Variants in UBR1 observed in about 807,000 individuals in gnomAD.
UBR1 encodes ubiquitin protein ligase E3 component n-recognin 1.
In UBR1, 102 loss-of-function variants were observed where a neutral mutation model predicts 242.1. That is an observed-to-expected ratio of 0.42 (90% CI 0.36 to 0.50). The LOEUF is 0.50. Ranked by LOEUF, UBR1 falls within the 20% of genes least tolerant of loss-of-function variation. The pLI is 0.01. For missense variants in UBR1, 1,772 were observed against 2,101.8 expected, an observed-to-expected ratio of 0.84 and a Z score of 3.07; for synonymous variants, 675 against 684.8, an observed-to-expected ratio of 0.99 and a Z score of 0.22.
intron 42 of UBR1, among the ~76,000 whole-genome samples, chr15:42,961,189 T>C (rs2032012878): frequency 6.7e-6 from 1 of 148,456 alleles, no homozygotes; most frequent in South Asian, 2.3e-4. Flanking sequence ...CTCCACTCAC[T>C]GCAACCTCCA....
chr15:43,070,987 G>T, intron 4 of UBR1, 62 bp from the exon 5 acceptor site: 1 of 1,587,502 alleles, frequency 6.3e-7, no homozygotes, highest in Admixed American at 1.7e-5. Flanking sequence ...GGATAAGGAA[G>T]GTAATGTTAA....
At chr15:42,964,195 C>A (rs953021642) in intron 41 of UBR1, 152 bp from the exon 42 acceptor site, 1 of 644,864 alleles carries the variant, frequency 1.6e-6, no homozygotes, top group African/African-American at 1.8e-5. Context: ...GCAGTCCGGG[C>A]ACGGTGGCTC....
Position 43,067,996 on chromosome 15 carries a change from C to T in UBR1, c.700G>A (p.Glu234Lys), listed in dbSNP as rs1757124370. 1 of 1,594,906 alleles carries T rather than the reference C, an allele frequency of 6.3e-7. No individual in the cohort carries two copies. Among genetic ancestry groups the T allele is most frequent in the Non-Finnish European group, 8.6e-7 (1 of 1,169,370 alleles). Residue 234 changes from glutamate to lysine, a missense_variant, in exon 6 of 47, where the codon GAA becomes AAA. Glu to Lys is a moderately conservative substitution (Grantham distance 56). Transcript: ENST00000290650. Reference protein sequence around the residue: ...ERYYCVLFNDEHHSYDHVIYS... With the variant: ...ERYYCVLFNDKHHSYDHVIYS... Reference sequence around the variant, plus strand: ...ATGACGTGGTCATATGAATGGTGTTCATCATTGAAAAGGACACAATAGTAT... The same window carrying T: ...ATGACGTGGTCATATGAATGGTGTTTATCATTGAAAAGGACACAATAGTAT...
rs139343369 is a variant in UBR1 at position 43,052,105 on chromosome 15, C to T, written c.1439+2637G>A. ...GAATAAGAGAGGTAGCAATCCCTCC[C>T]TTCTGTGTTTTCCTAGGCAGATCTC... On this transcript the variant is annotated intron_variant, in intron 12 of 46. Transcript: ENST00000290650. Among the ~76,000 whole-genome samples the T allele has an allele frequency of 2.8e-3, 430 of 152,320 alleles. 2 individuals carry two copies. The highest frequency in any genetic ancestry group is 4.3e-3 in the Non-Finnish European group (294 of 68,024).
At chr15:43,010,030 C>A (rs2032896050) in intron 29 of UBR1, among the ~76,000 whole-genome samples, 2 of 152,146 alleles carry the variant, frequency 1.3e-5, no homozygotes, top group Non-Finnish European at 2.9e-5. Flanking sequence ...TGCCACCATG[C>A]CCAGCTAATT....
intron 44 of UBR1, among the ~76,000 whole-genome samples, chr15:42,954,981 A>C (rs1263600387): frequency 1.3e-5 from 2 of 152,058 alleles, no homozygotes; most frequent in African/African-American, 4.8e-5. Flanking sequence ...AGCCTGGCCA[A>C]GATAGTGAAA....
At chr15:43,033,959 G>T (rs1311386003) in intron 19 of UBR1, among the ~76,000 whole-genome samples, 1 of 152,024 alleles carries the variant, frequency 6.6e-6, no homozygotes, top group Non-Finnish European at 1.5e-5. Context: ...CAAAAAATTG[G>T]CCAGGTGTAG....
intron 43 of UBR1, 22 bp downstream of exon 43, chr15:42,960,623 A>G: frequency 6.2e-7 from 1 of 1,612,846 alleles, no homozygotes; most frequent in Non-Finnish European, 8.5e-7. Flanking sequence ...TGAGGGAGAA[A>G]GGATTAAGTA....
chr15:43,102,289 C>T (rs1309707853), intron 1 of UBR1, among the ~76,000 whole-genome samples: 1 of 152,198 alleles, frequency 6.6e-6, no homozygotes, highest in African/African-American at 2.4e-5. Flanking sequence ...CCAGTGCAAG[C>T]TACCATCAAC....
chr15:42,986,465 A>G (rs573395224), intron 35 of UBR1, among the ~76,000 whole-genome samples: 96 of 152,334 alleles, frequency 6.3e-4, no homozygotes, highest in African/African-American at 2.2e-3. Context: ...AGGTCTAAAT[A>G]TAAATTCTTG....
intron 22 of UBR1, 152 bp downstream of exon 22, chr15:43,027,624 T>C: frequency 1.5e-6 from 1 of 649,166 alleles, no homozygotes; most frequent in Non-Finnish European, 2.7e-6. Context: ...AAGTGTCTAC[T>C]GTGAGCCCCT....
intron 39 of UBR1, among the ~76,000 whole-genome samples, chr15:42,976,093 A>G (rs1351643753): frequency 6.6e-6 from 1 of 152,230 alleles, no homozygotes; most frequent in Non-Finnish European, 1.5e-5. Flanking sequence ...TTGTATTACT[A>G]ATGTATCTTC....
At chr15:42,967,662 T>C (rs935101730) in intron 40 of UBR1, among the ~76,000 whole-genome samples, 1 of 152,068 alleles carries the variant, frequency 6.6e-6, no homozygotes, top group East Asian at 1.9e-4. Context: ...TTGTAACAAA[T>C]GGTACCTCCC....
rs549665404 is a variant in UBR1 at position 43,024,397 on chromosome 15, T to A, written c.2739+432A>T. On this transcript the variant is annotated intron_variant, in intron 25 of 46. Coordinates refer to ENST00000290650, the MANE Select transcript of UBR1 (RefSeq NM_174916.3). ...TTTCACTTTAGCTAATTCTCCTACC[T>A]CTATGAATAATTACACTTTTATCCA... 4.7e-4 allele frequency among the ~76,000 whole-genome samples: 72 copies of A among 152,326 alleles called. 1 individual carries two copies. The South Asian group carries it at 0.015, about 32-fold the overall frequency.
At chr15:42,969,336 A>T (rs1015357622) in intron 40 of UBR1, among the ~76,000 whole-genome samples, 14 of 152,142 alleles carry the variant, frequency 9.2e-5, no homozygotes, top group African/African-American at 3.4e-4. Flanking sequence ...GTCTGTTCAT[A>T]TCCTTCGCCC....
intron 33 of UBR1, among the ~76,000 whole-genome samples, chr15:42,992,556 C>A (rs2032572682): frequency 6.6e-6 from 1 of 152,166 alleles, no homozygotes; most frequent in African/African-American, 2.4e-5. Context: ...GGGGGGTTAG[C>A]CTGGGACTTG....
rs972026169 is a variant in UBR1 at position 43,060,256 on chromosome 15, C to G, written c.799-142G>C. 7.4e-6 allele frequency: 6 copies of G among 816,076 alleles called. No homozygotes were observed. The Admixed American group carries it at 9.1e-5, about 12-fold the overall frequency. The allele number at this position is 816,076 out of a possible 1,614,324, so 50.6% of individuals were successfully genotyped here. ...AAGTTGTAAGATACCGGAACAATAT[C>G]TGAAAGACAGATGCAAATGTTTAAC... On this transcript the variant is annotated intron_variant, in intron 6 of 46. Coordinates refer to ENST00000290650, the MANE Select transcript of UBR1 (RefSeq NM_174916.3).
In UBR1 at chr15:43,056,353, A is replaced by C; in HGVS notation, c.1272T>G (p.Val424=). ...AATAATCAATACATACCAGAGTAGG[A>C]ACAGTAAACATCTGAACTGAAAGTG... ...ITALSVQMFT[V]PTLARHLIEE... The change falls in exon 11 of 47, where the codon GTT becomes GTG. Residue 424 remains valine (V), a synonymous_variant. Transcript: ENST00000290650. 6.2e-7 allele frequency: 1 copy of C among 1,608,352 alleles called. No individual in the cohort carries two copies. The highest frequency in any genetic ancestry group is 1.1e-5 in the South Asian group (1 of 90,958).
In UBR1 at chr15:43,059,178, T is replaced by G; in HGVS notation, c.1000A>C (p.Ile334Leu). The G allele has an allele frequency of 1.2e-6, 2 of 1,614,088 alleles. No homozygotes were observed. Among genetic ancestry groups the G allele is most frequent in the Non-Finnish European group, 1.7e-6 (2 of 1,179,994 alleles). Residue 334 changes from isoleucine to leucine, a missense_variant, in exon 9 of 47, where the codon ATC (isoleucine) becomes CTC (leucine). By Grantham distance (5) the Ile-to-Leu change is conservative. Transcript: ENST00000290650. ...TCTCTAAGGCATGCTTGGCAAAAGA[T>G]CTGCCTAAAGTCACCTACAAACAAA... Reference protein sequence around the residue: ...IMSYSSDFRQIFCQACLREEP... With the variant: ...IMSYSSDFRQLFCQACLREEP...
Sources: allele counts gnomAD v4.1 joint callset (sites outside exome capture counted in the v4.1 genomes callset), GRCh38; gene constraint gnomAD v4.1.1; transcripts MANE v1.5; gene names NCBI Gene and HGNC (gene_info 2026-07-23, HGNC 2026-07-21).